The following SPG11 variants were observed in gnomAD, a reference collection of about 807,000 sequenced individuals.
SPG11 encodes SPG11 vesicle trafficking associated, spatacsin.
In SPG11, 222 loss-of-function variants were observed where a neutral mutation model predicts 274.0. The observed-to-expected ratio is 0.81, with a 90% CI of 0.73 to 0.91. The LOEUF is 0.91. Among genes scored for constraint, SPG11 ranks in the 40% least tolerant of loss-of-function variants. SPG11 has a pLI of 0.00. For missense variants in SPG11, 3,114 were observed against 2,872.7 expected (o/e 1.08, Z -1.92); for synonymous variants, 1,144 against 1,039.7 (o/e 1.10, Z -1.93).
At chr15:44,622,842 TG>T (rs1567170418) in intron 11 of SPG11, 43 bp from the exon 12 acceptor site, 1 of 1,420,724 alleles carries the variant, frequency 7.0e-7, no homozygotes, top group Non-Finnish European at 1.0e-6. Flanking sequence ...CATTTTGTAA[TG>T]GAACTATTTT....
At chr15:44,622,685 G>A in intron 12 of SPG11, 43 bp downstream of exon 12, 1 of 1,488,046 alleles carries the variant, frequency 6.7e-7, no homozygotes, top group African/African-American at 1.4e-5. Flanking sequence ...TTTCACCCAG[G>A]CTTTCTAGAA....
At chr15:44,660,827 T>C (rs2085084170) in intron 1 of SPG11, among the ~76,000 whole-genome samples, 1 of 152,040 alleles carries the variant, frequency 6.6e-6, no homozygotes, top group Non-Finnish European at 1.5e-5. Flanking sequence ...CAGGAGTGGG[T>C]GGTAAAAAAC....
chr15:44,563,637 C>CT (rs149567716), intron 39 of SPG11, among the ~76,000 whole-genome samples: 4 of 150,116 alleles, frequency 2.7e-5, no homozygotes, highest in Admixed American at 6.7e-5. Context: ...TGTGGCTGCC[C>CT]TTTTTTTTCT....
chr15:44,653,199 T>C (rs977333833), intron 4 of SPG11, among the ~76,000 whole-genome samples: 3 of 152,234 alleles, frequency 2.0e-5, no homozygotes, highest in South Asian at 4.1e-4. Flanking sequence ...AAAAGGAACC[T>C]GAAGAAGGCT....
intron 20 of SPG11, among the ~76,000 whole-genome samples, chr15:44,602,243 C>T (rs2083211271): frequency 6.6e-6 from 1 of 152,068 alleles, no homozygotes; most frequent in African/African-American, 2.4e-5. Flanking sequence ...AGGACTTCAA[C>T]TACTATGTTG....
intron 10 of SPG11, among the ~76,000 whole-genome samples, chr15:44,627,138 T>G (rs374104351): frequency 1.3e-5 from 2 of 152,146 alleles, no homozygotes; most frequent in Non-Finnish European, 2.9e-5. Flanking sequence ...CAAGATGTGA[T>G]GTAATCAGAT....
intron 7 of SPG11, among the ~76,000 whole-genome samples, chr15:44,645,765 C>G (rs889411290): frequency 6.6e-6 from 1 of 152,078 alleles, no homozygotes; most frequent in Non-Finnish European, 1.5e-5. Context: ...AACAAATTAA[C>G]AAGCAAAAAA....
At chr15:44,624,188 TAA>T (rs1210622614) in intron 11 of SPG11, among the ~76,000 whole-genome samples, 8 of 142,104 alleles carry the variant, frequency 5.6e-5, no homozygotes, top group Non-Finnish European at 4.6e-5. Flanking sequence ...TATTTGGCCT[TAA>T]AAAAAAAAAA....
intron 17 of SPG11, among the ~76,000 whole-genome samples, chr15:44,611,535 T>C (rs528056331): frequency 2.0e-5 from 3 of 152,244 alleles, no homozygotes; most frequent in African/African-American, 7.2e-5. Flanking sequence ...TAAAATAAAA[T>C]TGTACAACTC....
intron 18 of SPG11, 38 bp downstream of exon 18, chr15:44,610,802 A>G (rs1167067690): frequency 1.3e-6 from 2 of 1,588,358 alleles, no homozygotes; most frequent in South Asian, 2.2e-5. Context: ...GCTAAATTTA[A>G]AAATCAGTCC....
rs575283115 is a variant in SPG11 at position 44,572,176 on chromosome 15, A to T, written c.6343+507T>A. Among the ~76,000 whole-genome samples, 25 of 152,400 alleles carry T rather than the reference A, an allele frequency of 1.6e-4. No homozygotes were observed. The South Asian group carries it at 5.2e-3, about 32-fold the overall frequency. On this transcript the variant is annotated intron_variant, in intron 33 of 39. Coordinates refer to ENST00000261866, the MANE Select transcript of SPG11 (RefSeq NM_025137.4). ...TAGAAGAATATTCAATGCCATGAAA[A>T]ATGTTAATGACAGCATATTCATAAA...
chr15:44,653,625 G>C (rs929022155), intron 4 of SPG11, among the ~76,000 whole-genome samples: 3 of 152,164 alleles, frequency 2.0e-5, no homozygotes, highest in Non-Finnish European at 2.9e-5. Flanking sequence ...GGCATAGAGT[G>C]ACGACAGAAG....
At position 44,585,829 on chromosome 15, in the gene SPG11, C is replaced by T. The variant is rs1595845792; in HGVS notation, c.4928G>A (p.Cys1643Tyr). The T allele has an allele frequency of 6.2e-7, 1 of 1,613,854 alleles. No homozygotes were observed. The highest frequency in any genetic ancestry group is 2.2e-5 in the East Asian group (1 of 44,880). ...ATCCTTCAAAATCTGGCAAAGGATG[C>T]AAAGCTTTTTCACATCTGGACCTGT... ...FSDGPDVKKL[C>Y]ILCQILKDTS... is the part of the protein sequence containing the mutation. Residue 1643 changes from cysteine to tyrosine, a missense_variant, in exon 29 of 40, where the codon TGC (cysteine) becomes TAC (tyrosine). By Grantham distance (194) the Cys-to-Tyr change is radical. Coordinates refer to ENST00000261866, the MANE Select transcript of SPG11 (RefSeq NM_025137.4).
chr15:44,599,802 T>A (rs2083137719), intron 21 of SPG11, among the ~76,000 whole-genome samples: 2 of 152,210 alleles, frequency 1.3e-5, no homozygotes, highest in Admixed American at 1.3e-4. Context: ...CTTATAAAAA[T>A]GAATAATTGA....
chr15:44,563,847 C>G (rs778160987), intron 39 of SPG11, among the ~76,000 whole-genome samples: 1 of 152,120 alleles, frequency 6.6e-6, no homozygotes, highest in Non-Finnish European at 1.5e-5. Context: ...CTTACTATTA[C>G]CTATAGAGGA....
intron 17 of SPG11, among the ~76,000 whole-genome samples, chr15:44,611,939 G>A (rs958031762): frequency 2.7e-5 from 4 of 149,502 alleles, no homozygotes; most frequent in African/African-American, 9.8e-5. Context: ...CCAAGTAGCC[G>A]GGACTACAGG....
chr15:44,580,419 T>G (rs2082636069), intron 30 of SPG11, among the ~76,000 whole-genome samples: 1 of 152,074 alleles, frequency 6.6e-6, no homozygotes, highest in Non-Finnish European at 1.5e-5. Context: ...AATTTTAAAA[T>G]CATAGAAATA....
intron 20 of SPG11, among the ~76,000 whole-genome samples, chr15:44,603,458 A>G (rs2083246197): frequency 6.6e-6 from 1 of 152,210 alleles, no homozygotes; most frequent in Admixed American, 6.5e-5. Context: ...TCCATTTGTT[A>G]TCACTTACTT....
chr15:44,619,244 T>G (rs1370874288), intron 15 of SPG11, among the ~76,000 whole-genome samples: 1 of 152,140 alleles, frequency 6.6e-6, no homozygotes, highest in Admixed American at 6.6e-5. Context: ...CCCCAATAAG[T>G]GTAAATAGAA....
Sources: allele counts gnomAD v4.1 joint callset (sites outside exome capture counted in the v4.1 genomes callset), GRCh38; gene constraint gnomAD v4.1.1; transcripts MANE v1.5; gene names NCBI Gene and HGNC (gene_info 2026-07-23, HGNC 2026-07-21).